LARP4B: variants seen among roughly 807,000 people sequenced by gnomAD.
The protein encoded by LARP4B is La ribonucleoprotein 4B.
A neutral mutation model predicts 89.8 loss-of-function variants in LARP4B; 12 were observed. The observed-to-expected ratio is 0.13, with a 90% CI of 0.09 to 0.22. LARP4B has a LOEUF of 0.22. Ranked by LOEUF, LARP4B falls within the 10% of genes least tolerant of loss-of-function variation. The pLI is 1.00. For missense variants in LARP4B, 757 were observed against 947.7 expected, an observed-to-expected ratio of 0.80 and a Z score of 2.64; for synonymous variants, 367 against 363.3, an observed-to-expected ratio of 1.01 and a Z score of -0.12.
rs1835454727 is a variant in LARP4B at position 876,430 on chromosome 10, T to C, written c.141+8017A>G. 2.0e-5 allele frequency among the ~76,000 whole-genome samples: 3 copies of C among 152,044 alleles called. No individual in the cohort carries two copies. The East Asian group carries it at 5.8e-4, about 29-fold the overall frequency. The stretch of plus-strand genomic sequence containing the variant: ...AAAATCTATTTCCAAAAGGGAGAAA[T>C]AGGCAAGAAGAAGCAAGAGGTCCCA... On this transcript the variant is annotated intron_variant, in intron 3 of 17. Coordinates refer to ENST00000316157, the MANE Select transcript of LARP4B (RefSeq NM_015155.3).
At chr10:927,352 G>A (rs1837171782) in intron 1 of LARP4B, among the ~76,000 whole-genome samples, 1 of 152,178 alleles carries the variant, frequency 6.6e-6, no homozygotes, top group South Asian at 2.1e-4. Context: ...TGTTCCTAAG[G>A]AAGGCATTTA....
intron 1 of LARP4B, among the ~76,000 whole-genome samples, chr10:929,235 C>CA (rs373740459): frequency 5.9e-5 from 9 of 151,518 alleles, no homozygotes; most frequent in Admixed American, 3.9e-4. Context: ...AAAAACAAAA[C>CA]AAAAAAACAA....
chr10:923,484 TC>T (rs1362820972), intron 1 of LARP4B, among the ~76,000 whole-genome samples: 2 of 147,936 alleles, frequency 1.4e-5, no homozygotes, highest in Non-Finnish European at 3.0e-5. Flanking sequence ...GACCAAACTT[TC>T]CCCCTTTATG....
chr10:818,997 G>A lies in LARP4B; in HGVS notation c.1531-1108C>T, dbSNP rs533116467. On this transcript the variant is annotated intron_variant, in intron 14 of 17. Coordinates refer to ENST00000316157, the MANE Select transcript of LARP4B (RefSeq NM_015155.3). ...CATTCCGCTTGCTTCTCTGCTCCAC[G>A]CGACAGGTGCCTAATTTTAGCTTAG... 7 of 152,340 alleles carry A rather than the reference G, an allele frequency of 4.6e-5. No individual in the cohort carries two copies. The South Asian group carries it at 6.2e-4, about 14-fold the overall frequency. The allele number at this position is 152,340 out of a possible 1,614,324, so 9.4% of individuals were successfully genotyped here. A position where few individuals can be genotyped will look rare whatever the true frequency, so the allele number is the denominator to read the frequency against.
chr10:818,826 A>G (rs1832195108), intron 14 of LARP4B: 1 of 152,244 alleles, frequency 6.6e-6, no homozygotes, highest in African/African-American at 2.4e-5. Context: ...CTAACTGGAA[A>G]GTGCCAATGT....
the LARP4B span, among the ~76,000 whole-genome samples, chr10:981,128 T>C: frequency 6.6e-6 from 1 of 152,238 alleles, no homozygotes; most frequent in Non-Finnish European, 1.5e-5. Flanking sequence ...CCAAGCTCTT[T>C]GCTAAGGCAT....
chr10:868,470 C>T lies in LARP4B; in HGVS notation c.142-4200G>A, dbSNP rs951276383. Among the ~76,000 whole-genome samples the T allele has an allele frequency of 9.2e-5, 14 of 151,626 alleles. No homozygotes were observed. The South Asian group carries it at 1.3e-3, about 14-fold the overall frequency. On this transcript the variant is annotated intron_variant, in intron 3 of 17. Coordinates refer to ENST00000316157, the MANE Select transcript of LARP4B (RefSeq NM_015155.3). Reference sequence around the variant, plus strand: ...ACCATCGTTAAACGTGGTAACGCTTCGTATGAGAATACTGTTTGGGAATAC... The same window carrying T: ...ACCATCGTTAAACGTGGTAACGCTTTGTATGAGAATACTGTTTGGGAATAC...
the LARP4B span, among the ~76,000 whole-genome samples, chr10:963,393 A>ACCAG: frequency 6.6e-6 from 1 of 152,260 alleles, no homozygotes; most frequent in Non-Finnish European, 1.5e-5. Context: ...TGCTCTGAGG[A>ACCAG]CCAGCCATTG....
chr10:918,996 G>C (rs1836905409), intron 1 of LARP4B, among the ~76,000 whole-genome samples: 1 of 152,124 alleles, frequency 6.6e-6, no homozygotes. Context: ...CAGGAGAATG[G>C]CGTGAACCCG....
At chr10:854,713 CT>C (rs1299987683) in intron 5 of LARP4B, among the ~76,000 whole-genome samples, 1 of 152,028 alleles carries the variant, frequency 6.6e-6, no homozygotes, top group African/African-American at 2.4e-5. Flanking sequence ...TAGCATCATT[CT>C]TATGGGCCCT....
intron 1 of LARP4B, among the ~76,000 whole-genome samples, chr10:889,384 A>ACACT (rs1439976384): frequency 1.3e-5 from 2 of 152,036 alleles, no homozygotes; most frequent in East Asian, 3.9e-4. Flanking sequence ...ACACACACCC[A>ACACT]CACTCACTCA....
the LARP4B span, among the ~76,000 whole-genome samples, chr10:959,962 C>T: frequency 6.6e-6 from 1 of 152,046 alleles, no homozygotes; most frequent in Non-Finnish European, 1.5e-5. Context: ...GTCAATCCCA[C>T]CTCCTCGTGT....
chr10:972,767 A>G, the LARP4B span: 1 of 456,834 alleles, frequency 2.2e-6, no homozygotes, highest in South Asian at 1.5e-5. Flanking sequence ...AAAAGTAGTT[A>G]GAAAATAAAG....
At chr10:903,897 G>A (rs1169791019) in intron 1 of LARP4B, among the ~76,000 whole-genome samples, 1 of 152,098 alleles carries the variant, frequency 6.6e-6, no homozygotes, top group Non-Finnish European at 1.5e-5. Context: ...ATCCTGTGCG[G>A]CTCAAATGGG....
intron 1 of LARP4B, among the ~76,000 whole-genome samples, chr10:901,204 C>T (rs1836334950): frequency 2.0e-5 from 3 of 152,056 alleles, no homozygotes; most frequent in Admixed American, 1.3e-4. Context: ...AGTGAGCCAC[C>T]GCACCCAGCA....
chr10:846,347 C>T (rs866252895), intron 5 of LARP4B, among the ~76,000 whole-genome samples: 3 of 152,210 alleles, frequency 2.0e-5, no homozygotes, highest in East Asian at 1.9e-4. Flanking sequence ...CAGAGAGAAA[C>T]GGACACTGAG....
At chr10:963,298 TG>T in the LARP4B span, among the ~76,000 whole-genome samples, 1 of 152,192 alleles carries the variant, frequency 6.6e-6, no homozygotes, top group African/African-American at 2.4e-5. Context: ...TGAGTGACCG[TG>T]GATCTTTCTC....
At chr10:893,916 G>T (rs1436129348) in intron 1 of LARP4B, among the ~76,000 whole-genome samples, 1 of 152,174 alleles carries the variant, frequency 6.6e-6, no homozygotes, top group Non-Finnish European at 1.5e-5. Context: ...TTATTCCCAA[G>T]ATCACTAAAG....
At chr10:890,866 C>A (rs897242237) in intron 1 of LARP4B, among the ~76,000 whole-genome samples, 1 of 152,040 alleles carries the variant, frequency 6.6e-6, no homozygotes, top group African/African-American at 2.4e-5. Flanking sequence ...GTAAAAGAAA[C>A]CTACATGTCA....
Sources: allele counts gnomAD v4.1 joint callset (sites outside exome capture counted in the v4.1 genomes callset), GRCh38; gene constraint gnomAD v4.1.1; transcripts MANE v1.5; gene names NCBI Gene and HGNC (gene_info 2026-07-23, HGNC 2026-07-21).